Variants in KLRD1 observed in about 807,000 individuals in gnomAD.
KLRD1 encodes natural killer cells antigen CD94.
A neutral mutation model predicts 22.6 loss-of-function variants in KLRD1; 21 were observed. The observed-to-expected ratio is 0.93, with a 90% CI of 0.66 to 1.34. The LOEUF (loss-of-function observed/expected upper bound fraction) is 1.34, where lower values mean the gene tolerates loss of function less well. KLRD1 is among the 40% of genes most tolerant of loss of function. KLRD1 has a pLI of 0.00. For synonymous variants in KLRD1, 59 were observed against 71.1 expected, an observed-to-expected ratio of 0.83 and a Z score of 0.85; for missense variants, 183 against 208.6, an observed-to-expected ratio of 0.88 and a Z score of 0.76.
chr12:10,283,783 G>A (rs1184554094), intron 1 of KLRD1, among the ~76,000 whole-genome samples: 1 of 151,976 alleles, frequency 6.6e-6, no homozygotes, highest in Non-Finnish European at 1.5e-5. Flanking sequence ...AACCAGGGAG[G>A]ACAAAGAGAA....
At chr12:10,309,242 G>A in intron 1 of KLRD1, 146 bp from the exon 2 acceptor site, 1 of 560,460 alleles carries the variant, frequency 1.8e-6, no homozygotes, top group South Asian at 2.8e-5. Flanking sequence ...AGTCCCGATT[G>A]GAAAGTCTTC....
At chr12:10,309,138 C>T (rs1487069822) in intron 1 of KLRD1, 1 of 326,858 alleles carries the variant, frequency 3.1e-6, no homozygotes, top group African/African-American at 2.1e-5. Context: ...ATGGTAAATT[C>T]ACTTTACTGC....
At chr12:10,280,868 G>A (rs201496809) in intron 1 of KLRD1, among the ~76,000 whole-genome samples, 10 of 152,148 alleles carry the variant, frequency 6.6e-5, no homozygotes, top group South Asian at 2.1e-4. Context: ...CTGGGAACCC[G>A]TTGCACATCC....
At chr12:10,288,918 TAG>T (rs1468512367) in intron 1 of KLRD1, among the ~76,000 whole-genome samples, 2 of 152,200 alleles carry the variant, frequency 1.3e-5, no homozygotes, top group African/African-American at 4.8e-5. Context: ...GTTAGTCTGA[TAG>T]AGTTTTACTG....
At position 10,321,905 on chromosome 12, in the gene KLRD1, C is replaced by T. The variant is rs1012883433; in HGVS notation, c.*7112C>T. ...GGGATCCTGAGCTAGAACCACCTAG[C>T]ACAGTTGCTCTTGATTTCTGACCTC... On this transcript the variant is annotated 3_prime_UTR_variant, in exon 6 of 6. Transcript: ENST00000336164. The T allele has an allele frequency of 6.6e-6, 1 of 152,200 alleles. No individual in the cohort carries two copies. The highest frequency in any genetic ancestry group is 2.4e-5 in the African/African-American group (1 of 41,446). 9.4% of individuals were successfully genotyped at this position (152,200 alleles called of 1,614,324 possible).
chr12:10,311,523 A>G lies in KLRD1; in HGVS notation c.223A>G (p.Ile75Val). Residue 75 changes from isoleucine (I) to valine (V), a missense_variant, in exon 4 of 6, where the codon ATT becomes GTT. By Grantham distance (29) the Ile-to-Val change is conservative. Coordinates refer to ENST00000336164, the MANE Select transcript of KLRD1 (RefSeq NM_002262.5). ...TGGGTACCGGTGCAACTGTTACTTC[A>G]TTTCCAGTGAACAGAAAACTTGGAA... The part of the protein sequence containing the change: ...WVGYRCNCYF[I>V]SSEQKTWNES... The G allele has an allele frequency of 2.5e-6, 4 of 1,613,984 alleles. No homozygotes were observed. The highest frequency in any genetic ancestry group is 3.4e-6 in the Non-Finnish European group (4 of 1,179,900).
At chr12:10,271,111 T>TA (rs1030172548) in intron 1 of KLRD1, among the ~76,000 whole-genome samples, 5 of 151,060 alleles carry the variant, frequency 3.3e-5, no homozygotes, top group Non-Finnish European at 7.4e-5. Flanking sequence ...TTTTTTTTTT[T>TA]AAACTATATC....
intron 1 of KLRD1, among the ~76,000 whole-genome samples, chr12:10,254,626 C>T (rs1026542885): frequency 2.6e-5 from 4 of 152,024 alleles, no homozygotes; most frequent in African/African-American, 9.7e-5. Flanking sequence ...TGGTGGCTCA[C>T]ACCTGTAATC....
rs1397212198 is a variant in KLRD1 at position 10,324,816 on chromosome 12, G to GTATATATATA, written c.*10024_*10025insATATATATAT. 753 of 16,532 alleles carry GTATATATATA rather than the reference G, an allele frequency of 0.046. 10 individuals are homozygous for GTATATATATA. The highest frequency in any genetic ancestry group is 0.1 in the Middle Eastern group (1 of 10). The allele number at this position is 16,532 out of a possible 1,614,324, so 1.0% of individuals were successfully genotyped here. A position where few individuals can be genotyped will look rare whatever the true frequency, so the allele number is the denominator to read the frequency against. On this transcript the variant is annotated 3_prime_UTR_variant, in exon 6 of 6. Transcript: ENST00000336164. ...TAAGTATATATGTATATGTGTGTGT[G>GTATATATATA]TGTATATATATATATATATATATAT...
rs539640679 is a variant in KLRD1, at chr12:10,294,615, G to A, written c.-100-13363G>A. 8.3e-5 allele frequency among the ~76,000 whole-genome samples: 8 copies of A among 95,980 alleles called. 1 individual carries two copies. The South Asian group carries it at 3.4e-3, about 41-fold the overall frequency. The allele number at this position is 95,980 out of a possible 152,430, so 63.0% of individuals were successfully genotyped here. A position where few individuals can be genotyped will look rare whatever the true frequency, so the allele number is the denominator to read the frequency against. ...GGGTTTCACCACATTGGCCAGGCTA[G>A]TCTCAAAACTCCTGACCTCACATGA... On this transcript the variant is annotated intron_variant, in intron 1 of 5. Transcript: ENST00000544747.
chr12:10,296,434 T>C (rs1949822015), intron 1 of KLRD1, among the ~76,000 whole-genome samples: 1 of 151,802 alleles, frequency 6.6e-6, no homozygotes, highest in Non-Finnish European at 1.5e-5. Context: ...GAGAATCGAG[T>C]GAACCCGGGA....
chr12:10,286,717 C>T (rs920082193), intron 1 of KLRD1, among the ~76,000 whole-genome samples: 2 of 137,392 alleles, frequency 1.5e-5, no homozygotes, highest in African/African-American at 5.8e-5. Flanking sequence ...CTTTGTTGCC[C>T]AGGCTGGTCC....
rs955222624 is a variant in KLRD1, at chr12:10,254,907, A to T, written c.-101+28674A>T. On this transcript the variant is annotated intron_variant, in intron 1 of 5. Transcript: ENST00000544747. The stretch of plus-strand genomic sequence containing the variant: ...GATCAGTCTCAAAAATAAATAAATT[A>T]AAAAAAAAAAAGAAAAGTAGGCAAA... Among the ~76,000 whole-genome samples the T allele has an allele frequency of 7.0e-5, 10 of 142,338 alleles. No individual in the cohort carries two copies. In the South Asian group the frequency reaches 1.4e-3, roughly 19 times the overall value. 93.4% of individuals were successfully genotyped at this position (142,338 alleles called of 152,430 possible). A position where few individuals can be genotyped will look rare whatever the true frequency, so the allele number is the denominator to read the frequency against.
rs757791715 is a variant in KLRD1, at chr12:10,326,755, G to C, written c.*11962G>C. The C allele has an allele frequency of 7.2e-5, 11 of 152,204 alleles. No individual in the cohort carries two copies. The highest frequency in any genetic ancestry group is 1.5e-4 in the Non-Finnish European group (10 of 68,038). The allele number at this position is 152,204 out of a possible 1,614,324, so 9.4% of individuals were successfully genotyped here. A position where few individuals can be genotyped will look rare whatever the true frequency, so the allele number is the denominator to read the frequency against. On this transcript the variant is annotated 3_prime_UTR_variant, in exon 6 of 6. Coordinates refer to ENST00000336164, the MANE Select transcript of KLRD1 (RefSeq NM_002262.5). The stretch of plus-strand genomic sequence containing the variant: ...CTTTCCAAAGGAGGCAATCAGATAC[G>C]TATTTATCTCAGTGAGCAAAGAGAT...
At chr12:10,266,479 C>T (rs938657634) in intron 1 of KLRD1, among the ~76,000 whole-genome samples, 4 of 151,910 alleles carry the variant, frequency 2.6e-5, no homozygotes, top group African/African-American at 9.7e-5. Context: ...ATTTATTTAA[C>T]TGTTATACTT....
intron 1 of KLRD1, among the ~76,000 whole-genome samples, chr12:10,241,778 A>G (rs1949243553): frequency 6.6e-6 from 1 of 152,190 alleles, no homozygotes; most frequent in Non-Finnish European, 1.5e-5. Flanking sequence ...GTGTATGTAT[A>G]TATATATGCA....
At chr12:10,247,388 T>C (rs150446877) in intron 1 of KLRD1, among the ~76,000 whole-genome samples, 1 of 152,318 alleles carries the variant, frequency 6.6e-6, no homozygotes, top group East Asian at 1.9e-4. Flanking sequence ...AAACATCTTA[T>C]CCAAGTAGAT....
chr12:10,300,561 T>C (rs965884499), upstream of KLRD1, among the ~76,000 whole-genome samples: 1 of 152,218 alleles, frequency 6.6e-6, no homozygotes, highest in African/African-American at 2.4e-5. Context: ...ACAGAATAGA[T>C]ATAGCATAAT....
intron 1 of KLRD1, among the ~76,000 whole-genome samples, chr12:10,285,242 A>G (rs992539987): frequency 6.6e-6 from 1 of 152,122 alleles, no homozygotes; most frequent in African/African-American, 2.4e-5. Flanking sequence ...TTACCTTTAG[A>G]TTGTGTTGTT....
Sources: gnomAD v4.1 joint callset for allele counts (sites outside exome capture counted in the v4.1 genomes callset) on GRCh38, gnomAD v4.1.1 for gene constraint, MANE v1.5 for transcripts, NCBI Gene and HGNC (gene_info 2026-07-23, HGNC 2026-07-21) for gene names.